Variants in GBP5 observed in about 807,000 individuals in gnomAD.
The protein encoded by GBP5 is guanylate binding protein 5.
A neutral mutation model predicts 58.2 loss-of-function variants in GBP5; 48 were observed. The observed-to-expected ratio is 0.83, with a 90% CI of 0.65 to 1.05. The LOEUF is 1.05. Among genes scored for constraint, GBP5 ranks in the 50% least tolerant of loss-of-function variants. GBP5 has a pLI of 0.00. For synonymous variants in GBP5, 248 were observed against 251.8 expected, an observed-to-expected ratio of 0.98 and a Z score of 0.14; for missense variants, 714 against 686.8, an observed-to-expected ratio of 1.04 and a Z score of -0.44.
intron 4 of GBP5, 28 bp downstream of exon 4, chr1:89,268,701 G>A (rs755927396): frequency 1.9e-5 from 31 of 1,611,522 alleles, no homozygotes; most frequent in Non-Finnish European, 2.5e-5. Flanking sequence ...CAGAGATTAG[G>A]AGGTTAAAAA....
rs749722724 is a variant in GBP5 at position 89,264,758 on chromosome 1, C to T, written c.1077G>A (p.Glu359=). The T allele has an allele frequency of 1.2e-6, 2 of 1,614,226 alleles. No homozygotes were observed. The highest frequency in any genetic ancestry group is 1.1e-5 in the South Asian group (1 of 91,082). The change falls in exon 8 of 12, where the codon GAG becomes GAA. Residue 359 remains glutamate (E), a synonymous_variant. Transcript: ENST00000370459. ...QELLDLHRTS[E]REAIEVFMKN... is the part of the protein sequence containing the mutation. ...TCATGAAGACTTCAATGGCCTCCCT[C>T]TCACTGGTCCTGTGCAGGTCCAGCA...
intron 4 of GBP5, 45 bp downstream of exon 4, chr1:89,268,684 G>A (rs770719327): frequency 6.2e-7 from 1 of 1,601,554 alleles, no homozygotes; most frequent in Admixed American, 1.7e-5. Context: ...CCTGTGAAAA[G>A]ACAGTTCAGA....
At chr1:89,264,104 A>T (rs1440575018) in intron 8 of GBP5, among the ~76,000 whole-genome samples, 156 bp from the exon 9 acceptor site, 1 of 152,124 alleles carries the variant, frequency 6.6e-6, no homozygotes, top group Admixed American at 6.6e-5. Context: ...GAAAAATTCC[A>T]AGGATGATAC....
In GBP5 at chr1:89,267,436, C is replaced by A. The variant is rs781466364; in HGVS notation, c.409G>T (p.Gly137Cys). ...VYNTVNKIDQ[G>C]AIDLLHNVTE... is the part of the protein sequence containing the mutation. ...GGATACTGCAGTAGGTCGATAGCAC[C>A]CTGATCAATTTTGTTCACAGTATTG... is the stretch of plus-strand genomic sequence containing the variant. The change falls in exon 5 of 12, where the codon GGT (glycine) becomes TGT (cysteine). Residue 137 changes from glycine to cysteine, a missense_variant. Coordinates refer to ENST00000370459, the MANE Select transcript of GBP5 (RefSeq NM_052942.5). 6.2e-7 allele frequency: 1 copy of A among 1,612,904 alleles called. No individual in the cohort carries two copies. The highest frequency in any genetic ancestry group is 8.5e-7 in the Non-Finnish European group (1 of 1,178,988).
intron 6 of GBP5, 149 bp downstream of exon 6, chr1:89,266,808 A>G: frequency 6.5e-6 from 4 of 611,398 alleles, no homozygotes; most frequent in Non-Finnish European, 7.8e-6. Context: ...CTTGTTCATT[A>G]TAAACAAAAA....
Position 89,268,623 on chromosome 1 carries a change from A to C in GBP5, c.318+106T>G. On this transcript the variant is annotated intron_variant, in intron 4 of 11. Coordinates refer to ENST00000370459, the MANE Select transcript of GBP5 (RefSeq NM_052942.5). ...AAATACAAAGGAAAACAATGGGGGT[A>C]TACATTGGTCAAGTGGAACTACAAA... The C allele has an allele frequency of 2.7e-6, 3 of 1,095,270 alleles. No individual in the cohort carries two copies. In the Admixed American group the frequency reaches 5.7e-5, roughly 21 times the overall value. 67.8% of individuals were successfully genotyped at this position (1,095,270 alleles called of 1,614,324 possible).
intron 10 of GBP5, 133 bp downstream of exon 10, chr1:89,262,550 C>T: frequency 1.1e-6 from 1 of 904,192 alleles, no homozygotes; most frequent in Non-Finnish European, 1.7e-6. Flanking sequence ...TCATGCCAGT[C>T]AGATATGCTT....
At chr1:89,266,200 G>A in intron 7 of GBP5, 146 bp downstream of exon 7, 1 of 708,974 alleles carries the variant, frequency 1.4e-6, no homozygotes, top group Non-Finnish European at 2.4e-6. Flanking sequence ...GATACCCACT[G>A]AAACTTAATA....
chr1:89,262,520 C>T (rs1650049183), intron 10 of GBP5, 119 bp from the exon 11 acceptor site: 1 of 985,586 alleles, frequency 1.0e-6, no homozygotes, highest in African/African-American at 1.6e-5. Flanking sequence ...TTTTCCCTTC[C>T]AGGTAACCAC....
chr1:89,262,558 C>A, intron 10 of GBP5, 125 bp downstream of exon 10: 1 of 897,140 alleles, frequency 1.1e-6, no homozygotes, highest in Non-Finnish European at 1.7e-6. Context: ...GTCAGATATG[C>A]TTGAGGAGCT....
chr1:89,263,688 C>T, intron 9 of GBP5, 48 bp downstream of exon 9: 1 of 1,373,808 alleles, frequency 7.3e-7, no homozygotes, highest in Non-Finnish European at 1.0e-6. Context: ...ACTGGTTTTA[C>T]AAAGAGGTCC....
At position 89,264,971 on chromosome 1, in the gene GBP5, A is replaced by G. The variant is rs768528770; in HGVS notation, c.869-5T>C. 8 of 1,602,520 alleles carry G rather than the reference A, an allele frequency of 5.0e-6. No individual in the cohort carries two copies. Among genetic ancestry groups the G allele is most frequent in the Non-Finnish European group, 6.8e-6 (8 of 1,171,704 alleles). ...TCAGCACCAGGTTCTTTAGACCTTCATGGAAGAAAGAAACATTTATATTAT... is the reference window on the plus strand; with the variant it reads ...TCAGCACCAGGTTCTTTAGACCTTCGTGGAAGAAAGAAACATTTATATTAT... On this transcript the variant is annotated splice_region_variant and splice_polypyrimidine_tract_variant and intron_variant, in intron 7 of 11. Coordinates refer to ENST00000370459, the MANE Select transcript of GBP5 (RefSeq NM_052942.5).
chr1:89,262,582 G>T, intron 10 of GBP5, 101 bp downstream of exon 10: 2 of 921,974 alleles, frequency 2.2e-6, no homozygotes, highest in Non-Finnish European at 3.4e-6. Context: ...AAGCATCTTT[G>T]CCATTCTTGC....
chr1:89,264,546 G>A, intron 8 of GBP5, 140 bp downstream of exon 8: 2 of 733,676 alleles, frequency 2.7e-6, no homozygotes, highest in Admixed American at 2.8e-5. Flanking sequence ...TTTGTTTTCA[G>A]AATAAAAGTG....
chr1:89,263,408 A>G (rs1241910938), intron 9 of GBP5: 1 of 225,568 alleles, frequency 4.4e-6, no homozygotes, highest in East Asian at 9.3e-5. Context: ...GGTGTTTCTT[A>G]GGTTAGTTTC....
At position 89,264,666 on chromosome 1, in the gene GBP5, A is replaced by G. The variant is rs1179322830; in HGVS notation, c.1149+20T>C. ...GCCTTCTTGACCTTAATCCCCATGA[A>G]CTAGAAACAAAAATATCACCTCCAA... On this transcript the variant is annotated intron_variant, in intron 8 of 11. Coordinates refer to ENST00000370459, the MANE Select transcript of GBP5 (RefSeq NM_052942.5). The G allele has an allele frequency of 1.9e-6, 3 of 1,608,578 alleles. No individual in the cohort carries two copies. Among genetic ancestry groups the G allele is most frequent in the Admixed American group, 1.7e-5 (1 of 59,820 alleles).
intron 1 of GBP5, 57 bp downstream of exon 1, chr1:89,272,395 T>A (rs1650493654): frequency 6.5e-6 from 1 of 154,578 alleles, no homozygotes; most frequent in East Asian, 1.9e-4. Flanking sequence ...CTTTGTAGAA[T>A]GTTTCTAAAA....
rs1649907135 is a variant in GBP5 at position 89,259,410 on chromosome 1, T to C, written c.*1294A>G. On this transcript the variant is annotated 3_prime_UTR_variant, in exon 12 of 12. Transcript: ENST00000370459. ...GGAATTTCTCTACGCAGATTGTCTATTGACAGTGCCAAGGAAACATCTCAC... is the reference window on the plus strand; with the variant it reads ...GGAATTTCTCTACGCAGATTGTCTACTGACAGTGCCAAGGAAACATCTCAC... 1 of 152,224 alleles carries C rather than the reference T, an allele frequency of 6.6e-6. No homozygotes were observed. Among genetic ancestry groups the C allele is most frequent in the Non-Finnish European group, 1.5e-5 (1 of 68,032 alleles). The allele number at this position is 152,224 out of a possible 1,614,324, so 9.4% of individuals were successfully genotyped here.
intron 3 of GBP5, 55 bp from the exon 4 acceptor site, chr1:89,268,911 T>G: frequency 6.3e-7 from 1 of 1,579,826 alleles, no homozygotes; most frequent in Non-Finnish European, 8.7e-7. Context: ...AATTGGGGAT[T>G]TGCTTGATCA....
Sources: gnomAD v4.1 joint callset for allele counts (sites outside exome capture counted in the v4.1 genomes callset) on GRCh38, gnomAD v4.1.1 for gene constraint, MANE v1.5 for transcripts, NCBI Gene and HGNC (gene_info 2026-07-23, HGNC 2026-07-21) for gene names.